Variants in FLT3 observed in about 807,000 individuals in gnomAD.
FLT3 encodes receptor-type tyrosine-protein kinase FLT3.
FLT3 carries 46 observed loss-of-function variants against 126.6 expected under a neutral mutation model. The ratio of observed to expected loss-of-function variants is 0.36; its 90% CI spans 0.29 to 0.46. The LOEUF is 0.46. FLT3 is among the 20% of genes least tolerant of loss of function. The probability of loss-of-function intolerance (pLI) is 1.00; values close to 1 mark genes in which losing one functional copy is unlikely to be tolerated. For synonymous variants in FLT3, 404 were observed against 434.4 expected, an observed-to-expected ratio of 0.93 and a Z score of 0.87; for missense variants, 1,069 against 1,190.3, an observed-to-expected ratio of 0.90 and a Z score of 1.50.
intron 23 of FLT3, 47 bp from the exon 24 acceptor site, chr13:28,004,221 T>G: frequency 1.3e-6 from 2 of 1,597,462 alleles, no homozygotes; most frequent in Non-Finnish European, 1.7e-6. Context: ...CTGATGTAGA[T>G]GCACATGTTA....
At chr13:28,011,960 G>C (rs1427058064) in intron 23 of FLT3, among the ~76,000 whole-genome samples, 1 of 151,978 alleles carries the variant, frequency 6.6e-6, no homozygotes, top group African/African-American at 2.4e-5. Context: ...ACCACGCCTG[G>C]CTAATTTTTT....
chr13:28,089,719 A>G (rs1271559195), intron 1 of FLT3, among the ~76,000 whole-genome samples: 1 of 150,380 alleles, frequency 6.6e-6, no homozygotes, highest in African/African-American at 2.4e-5. Flanking sequence ...AGGGTTGACT[A>G]CAGAAGGGCA....
At chr13:28,024,994 C>T (rs1239169564) in intron 17 of FLT3, 51 bp from the exon 18 acceptor site, 2 of 995,260 alleles carry the variant, frequency 2.0e-6, no homozygotes, top group African/African-American at 1.6e-5. Flanking sequence ...TCTCAGCAGA[C>T]ATTTTATTTT....
At chr13:28,070,348 T>G in intron 2 of FLT3, 143 bp downstream of exon 2, 1 of 631,054 alleles carries the variant, frequency 1.6e-6, no homozygotes, top group Non-Finnish European at 2.8e-6. Flanking sequence ...GGAGTATAGA[T>G]GCTCTGTTGG....
chr13:28,094,344 G>T (rs1460605537), intron 1 of FLT3, among the ~76,000 whole-genome samples: 2 of 152,056 alleles, frequency 1.3e-5, no homozygotes, highest in African/African-American at 2.4e-5. Context: ...TTGTATGGAA[G>T]ATTCTTGGCT....
chr13:28,065,947 G>A (rs1335772180), intron 2 of FLT3, among the ~76,000 whole-genome samples: 23 of 151,886 alleles, frequency 1.5e-4, no homozygotes, highest in Admixed American at 1.5e-3. Context: ...GACCAGCCTT[G>A]GCAACATGGT....
chr13:28,004,100 C>T lies in FLT3; in HGVS notation c.2934G>A (p.Glu978=). ...TYQNRRPFSR[E]MDLGLLSPQA... Reference sequence around the variant, plus strand: ...GCGGAGAGAGTAGCCCCAAATCCATCTCTCTGCTGAAAGGTCGCCTGTTTT... The same window carrying T: ...GCGGAGAGAGTAGCCCCAAATCCATTTCTCTGCTGAAAGGTCGCCTGTTTT... The change falls in exon 24 of 24, where the codon GAG becomes GAA. Residue 978 remains glutamate (E), a synonymous_variant. Transcript: ENST00000241453. 2 of 1,614,134 alleles carry T rather than the reference C, an allele frequency of 1.2e-6. No homozygotes were observed. Among genetic ancestry groups the T allele is most frequent in the Non-Finnish European group, 1.7e-6 (2 of 1,180,040 alleles).
At chr13:28,055,149 A>G (rs150095614) in intron 4 of FLT3, among the ~76,000 whole-genome samples, 2 of 152,326 alleles carry the variant, frequency 1.3e-5, no homozygotes, top group African/African-American at 4.8e-5. Flanking sequence ...CTTTGATTCC[A>G]TATGAAAATC....
intron 23 of FLT3, among the ~76,000 whole-genome samples, chr13:28,011,068 TTGGAAGGC>T (rs1217533734): frequency 6.6e-6 from 1 of 150,626 alleles, no homozygotes; most frequent in Non-Finnish European, 1.5e-5. Flanking sequence ...TCTCAGCACT[TTGGAAGGC>T]TGAGGTGGGC....
At chr13:28,099,538 G>C (rs1338790585) in intron 1 of FLT3, among the ~76,000 whole-genome samples, 1 of 152,130 alleles carries the variant, frequency 6.6e-6, no homozygotes, top group Non-Finnish European at 1.5e-5. Context: ...AAGGGGACTC[G>C]GACGGACTCC....
chr13:28,064,241 G>C (rs1876815294), intron 2 of FLT3, among the ~76,000 whole-genome samples: 1 of 152,150 alleles, frequency 6.6e-6, no homozygotes, highest in South Asian at 2.1e-4. Context: ...AGACAACTGG[G>C]AAAAAGAATT....
At chr13:28,090,007 C>T (rs1047383125) in intron 1 of FLT3, among the ~76,000 whole-genome samples, 2 of 151,798 alleles carry the variant, frequency 1.3e-5, no homozygotes, top group Non-Finnish European at 2.9e-5. Flanking sequence ...TCCCCAAATG[C>T]TGAGATTACA....
intron 23 of FLT3, among the ~76,000 whole-genome samples, chr13:28,012,861 C>T (rs1871518517): frequency 6.6e-6 from 1 of 151,878 alleles, no homozygotes; most frequent in South Asian, 2.1e-4. Flanking sequence ...TGCTTGAGCT[C>T]ACAGTGTGGA....
In FLT3 at chr13:28,076,359, T is replaced by G. The variant is rs548560513; in HGVS notation, c.44-5747A>C. Reference sequence around the variant, plus strand: ...CATATATTTGTATATGAAAGGGAATTTTTTAGAGAGAATTGGCTCATGTGA... The same window carrying G: ...CATATATTTGTATATGAAAGGGAATGTTTTAGAGAGAATTGGCTCATGTGA... On this transcript the variant is annotated intron_variant, in intron 1 of 23. Transcript: ENST00000241453. 2.0e-5 allele frequency among the ~76,000 whole-genome samples: 3 copies of G among 152,280 alleles called. No individual in the cohort carries two copies. In the East Asian group the frequency reaches 5.8e-4, roughly 29 times the overall value.
intron 23 of FLT3, among the ~76,000 whole-genome samples, chr13:28,009,974 C>T (rs1871222057): frequency 6.6e-6 from 1 of 151,986 alleles, no homozygotes; most frequent in Non-Finnish European, 1.5e-5. Flanking sequence ...CAAGTATGTG[C>T]CCCCTTTTAT....
chr13:28,071,121 A>G (rs1349410809), intron 1 of FLT3, among the ~76,000 whole-genome samples: 1 of 145,468 alleles, frequency 6.9e-6, no homozygotes, highest in Admixed American at 7.0e-5. Flanking sequence ...CAGCCTCCCG[A>G]GTGGCTGGGA....
chr13:28,039,827 C>T (rs1366726890), intron 9 of FLT3, among the ~76,000 whole-genome samples: 4 of 152,048 alleles, frequency 2.6e-5, no homozygotes. Flanking sequence ...GGATTACAGG[C>T]ATGAGCCACT....
Position 28,044,013 on chromosome 13 carries a change from G to A in FLT3, c.1205+4262C>T, listed in dbSNP as rs550553858. On this transcript the variant is annotated intron_variant, in intron 9 of 23. Transcript: ENST00000241453. Reference sequence around the variant, plus strand: ...TAATCCCAGCTACTCGAGAGGCTGAGGCAGGAGAATCACTTACTCACCTCC... The same window carrying A: ...TAATCCCAGCTACTCGAGAGGCTGAAGCAGGAGAATCACTTACTCACCTCC... Among the ~76,000 whole-genome samples, 5 of 151,726 alleles carry A rather than the reference G, an allele frequency of 3.3e-5. No individual in the cohort carries two copies. In the South Asian group the frequency reaches 1.0e-3, roughly 32 times the overall value.
chr13:28,025,992 G>T (rs1872763338), intron 17 of FLT3, among the ~76,000 whole-genome samples: 2 of 152,108 alleles, frequency 1.3e-5, no homozygotes, highest in African/African-American at 4.8e-5. Context: ...AAAGAAAAAA[G>T]TCTCCAATAA....
Sources: gnomAD v4.1 joint callset for allele counts (sites outside exome capture counted in the v4.1 genomes callset) on GRCh38, gnomAD v4.1.1 for gene constraint, MANE v1.5 for transcripts, NCBI Gene and HGNC (gene_info 2026-07-23, HGNC 2026-07-21) for gene names.